Variants in TAFA2 observed in about 807,000 individuals in gnomAD.
TAFA2 encodes the protein TAFA chemokine like family member 2.
TAFA2 carries 7 observed loss-of-function variants against 18.8 expected under a neutral mutation model. The ratio of observed to expected loss-of-function variants is 0.37; its 90% CI spans 0.21 to 0.70. TAFA2 has a LOEUF of 0.70. Ranked by LOEUF, TAFA2 falls within the 30% of genes least tolerant of loss-of-function variation. The pLI is 0.53. For synonymous variants in TAFA2, 60 were observed against 54.2 expected (o/e 1.11, Z -0.47); for missense variants, 122 against 158.1 (o/e 0.77, Z 1.23).
At chr12:61,920,366 T>C (rs1876998712) in intron 1 of TAFA2, among the ~76,000 whole-genome samples, 2 of 152,278 alleles carry the variant, frequency 1.3e-5, no homozygotes, top group Admixed American at 1.3e-4. Flanking sequence ...AAATGAGGAC[T>C]GCCACAAATC....
chr12:61,869,055 T>A lies in TAFA2; in HGVS notation c.-1-1629A>T, dbSNP rs1874478003. ...ATTAGAGAATAGTGAGTCATTTGTA[T>A]ATGTTTGATCCTTAAGTGTTTGGGA... On this transcript the variant is annotated intron_variant, in intron 1 of 4. Coordinates refer to ENST00000416284, the MANE Select transcript of TAFA2 (RefSeq NM_178539.5). Among the ~76,000 whole-genome samples, 3 of 152,300 alleles carry A rather than the reference T, an allele frequency of 2.0e-5. No homozygotes were observed. The South Asian group carries it at 6.2e-4, about 32-fold the overall frequency.
chr12:61,742,782 T>C (rs564357936), intron 4 of TAFA2, among the ~76,000 whole-genome samples: 24 of 152,190 alleles, frequency 1.6e-4, no homozygotes, highest in African/African-American at 5.5e-4. Context: ...GTAAGAAGTA[T>C]GTGAGTCTGA....
rs570432876 is a variant in TAFA2 at position 62,097,011 on chromosome 12, C to G, written c.-2+94248G>C. ...CCATCAGAATGTCTCCTGTTTAACA[C>G]CCCCTTGCTATTTCTAATCTCTGTA... On this transcript the variant is annotated intron_variant, in intron 1 of 4. Coordinates refer to ENST00000416284, the MANE Select transcript of TAFA2 (RefSeq NM_178539.5). Among the ~76,000 whole-genome samples the G allele has an allele frequency of 9.2e-5, 14 of 152,228 alleles. No homozygotes were observed. In the East Asian group the frequency reaches 2.7e-3, roughly 29 times the overall value.
intron 1 of TAFA2, among the ~76,000 whole-genome samples, chr12:62,215,070 G>C (rs955786573): frequency 6.6e-6 from 1 of 152,256 alleles, no homozygotes; most frequent in African/African-American, 2.4e-5. Context: ...TCTCACCTAA[G>C]AGAGAGTACT....
At chr12:61,833,395 C>CCCCAAGATCAT (rs1565649921) in intron 2 of TAFA2, among the ~76,000 whole-genome samples, 15 of 151,724 alleles carry the variant, frequency 9.9e-5, no homozygotes, top group African/African-American at 3.6e-4. Context: ...CCCAAGATCA[C>CCCCAAGATCAT]TTATAGAGTA....
intron 1 of TAFA2, among the ~76,000 whole-genome samples, chr12:62,207,989 G>A (rs181245393): frequency 6.6e-6 from 1 of 152,276 alleles, no homozygotes; most frequent in East Asian, 1.9e-4. Context: ...TGAACACTGA[G>A]GTCTGCCACA....
chr12:61,897,449 T>C (rs1875898760), intron 1 of TAFA2, among the ~76,000 whole-genome samples: 1 of 152,166 alleles, frequency 6.6e-6, no homozygotes, highest in African/African-American at 2.4e-5. Context: ...GAAGTTTAAT[T>C]GACTCACAGT....
At chr12:61,773,799 G>A (rs2120854178) in intron 2 of TAFA2, among the ~76,000 whole-genome samples, 1 of 152,090 alleles carries the variant, frequency 6.6e-6, no homozygotes, top group African/African-American at 2.4e-5. Flanking sequence ...CTTAGGCAAA[G>A]CGTTCATGAC....
At chr12:62,247,814 G>C (rs1041193990) in intron 1 of TAFA2, among the ~76,000 whole-genome samples, 6 of 146,652 alleles carry the variant, frequency 4.1e-5, no homozygotes, top group African/African-American at 1.5e-4. Flanking sequence ...GTAAGTTTTA[G>C]TGTTCCCTTT....
chr12:62,020,036 A>G (rs1369155362), intron 1 of TAFA2, among the ~76,000 whole-genome samples: 1 of 152,228 alleles, frequency 6.6e-6, no homozygotes, highest in Non-Finnish European at 1.5e-5. Flanking sequence ...CACTATAAAT[A>G]TTGAAAGACA....
chr12:61,961,857 T>C (rs1261538922), intron 1 of TAFA2, among the ~76,000 whole-genome samples: 2 of 152,034 alleles, frequency 1.3e-5, no homozygotes, highest in South Asian at 2.1e-4. Context: ...CGAAATTCAT[T>C]TGGTCCTTTC....
At chr12:61,746,571 TGAAACCCA>T (rs1262862234) in intron 4 of TAFA2, among the ~76,000 whole-genome samples, 1 of 152,120 alleles carries the variant, frequency 6.6e-6, no homozygotes, top group Non-Finnish European at 1.5e-5. Flanking sequence ...TTCAGTCTTG[TGAAACCCA>T]GAGCAGAGAC....
chr12:61,864,992 C>T (rs1345942394), intron 2 of TAFA2, among the ~76,000 whole-genome samples: 1 of 152,072 alleles, frequency 6.6e-6, no homozygotes, highest in Non-Finnish European at 1.5e-5. Context: ...AGCCTTAACC[C>T]TGATGAAAGC....
chr12:61,731,896 T>A (rs1242586372), intron 4 of TAFA2, among the ~76,000 whole-genome samples: 1 of 152,054 alleles, frequency 6.6e-6, no homozygotes, highest in Non-Finnish European at 1.5e-5. Context: ...TTCATTTAGC[T>A]AATATTTATT....
At chr12:62,126,742 G>A (rs1870477916) in intron 1 of TAFA2, among the ~76,000 whole-genome samples, 2 of 152,194 alleles carry the variant, frequency 1.3e-5, no homozygotes, top group African/African-American at 2.4e-5. Context: ...AAGAGATGAC[G>A]CCGGAGAGCC....
At chr12:62,231,014 T>G (rs1467024135) in intron 1 of TAFA2, among the ~76,000 whole-genome samples, 1 of 152,256 alleles carries the variant, frequency 6.6e-6, no homozygotes, top group Non-Finnish European at 1.5e-5. Context: ...ATATGTATTC[T>G]GCAACAGTTG....
chr12:62,063,161 C>T (rs9668970), intron 1 of TAFA2, among the ~76,000 whole-genome samples: 3,598 of 152,128 alleles, frequency 0.024, 138 homozygotes, highest in African/African-American at 0.08. Context: ...ACCGTTATTC[C>T]GCCTGCCACA....
intron 1 of TAFA2, among the ~76,000 whole-genome samples, chr12:62,002,968 T>C (rs957894356): frequency 1.3e-5 from 2 of 152,158 alleles, no homozygotes; most frequent in Non-Finnish European, 2.9e-5. Context: ...CCTTCACCCA[T>C]CTGACATCCT....
intron 1 of TAFA2, among the ~76,000 whole-genome samples, chr12:61,985,185 T>C (rs1319406110): frequency 6.6e-6 from 1 of 152,212 alleles, no homozygotes; most frequent in Admixed American, 6.5e-5. Context: ...TAGGGACTCA[T>C]ACACCAAGAT....
Sources: allele counts gnomAD v4.1 joint callset (sites outside exome capture counted in the v4.1 genomes callset), GRCh38; gene constraint gnomAD v4.1.1; transcripts MANE v1.5; gene names NCBI Gene and HGNC (gene_info 2026-07-23, HGNC 2026-07-21).